ATXN7L1: variants seen among roughly 807,000 people sequenced by gnomAD.
ATXN7L1 encodes the protein ataxin-7-like protein 1.
In ATXN7L1, 15 loss-of-function variants were observed where a neutral mutation model predicts 70.8. The ratio of observed to expected loss-of-function variants is 0.21; its 90% CI spans 0.14 to 0.33. The LOEUF (loss-of-function observed/expected upper bound fraction) is 0.33, where lower values mean the gene tolerates loss of function less well. Among genes scored for constraint, ATXN7L1 ranks in the 10% least tolerant of loss-of-function variants. ATXN7L1 has a pLI of 1.00. For synonymous variants in ATXN7L1, 440 were observed against 445.1 expected (o/e 0.99, Z 0.14); for missense variants, 975 against 1,097.1 (o/e 0.89, Z 1.57).
intron 2 of ATXN7L1, among the ~76,000 whole-genome samples, chr7:105,791,669 T>C (rs1205835174): frequency 1.3e-5 from 2 of 152,188 alleles, no homozygotes; most frequent in Non-Finnish European, 2.9e-5. Context: ...AAAAATACCA[T>C]TACCAGAAAA....
intron 3 of ATXN7L1, among the ~76,000 whole-genome samples, chr7:105,749,956 T>G (rs1181952983): frequency 6.6e-6 from 1 of 151,952 alleles, no homozygotes; most frequent in East Asian, 1.9e-4. Flanking sequence ...TGAAGGTTCT[T>G]CCTGCACTAT....
intron 7 of ATXN7L1, among the ~76,000 whole-genome samples, chr7:105,636,783 G>A (rs145056053): frequency 1.4e-3 from 218 of 152,294 alleles, no homozygotes; most frequent in African/African-American, 4.8e-3. Context: ...GGATATCCTT[G>A]AGAGGGTGTG....
intron 2 of ATXN7L1, among the ~76,000 whole-genome samples, chr7:105,805,263 G>T (rs768159930): frequency 6.6e-6 from 1 of 152,170 alleles, no homozygotes; most frequent in Non-Finnish European, 1.5e-5. Flanking sequence ...CTCTATAACC[G>T]GCCTTCCTGG....
At chr7:105,684,460 C>G (rs1017952310) in intron 3 of ATXN7L1, among the ~76,000 whole-genome samples, 1 of 152,238 alleles carries the variant, frequency 6.6e-6, no homozygotes, top group Non-Finnish European at 1.5e-5. Context: ...CAGATCTGTT[C>G]TGGACATTAT....
intron 3 of ATXN7L1, among the ~76,000 whole-genome samples, chr7:105,668,796 T>C (rs1261928868): frequency 6.6e-6 from 1 of 152,040 alleles, no homozygotes. Flanking sequence ...CCTGGCACTT[T>C]GGCTGGCCAA....
At chr7:105,855,556 C>T (rs1815606172) in intron 2 of ATXN7L1, among the ~76,000 whole-genome samples, 1 of 152,182 alleles carries the variant, frequency 6.6e-6, no homozygotes, top group African/African-American at 2.4e-5. Context: ...GAAATCATCA[C>T]ATACTACAAA....
chr7:105,843,350 G>A (rs1017105064), intron 2 of ATXN7L1, among the ~76,000 whole-genome samples: 1 of 152,350 alleles, frequency 6.6e-6, no homozygotes, highest in South Asian at 2.1e-4. Context: ...AAGATGGTCT[G>A]AGATGCTCAG....
Position 105,810,707 on chromosome 7 carries a change from C to G in ATXN7L1, c.251-21999G>C, listed in dbSNP as rs796161902. 2.6e-5 allele frequency among the ~76,000 whole-genome samples: 4 copies of G among 152,298 alleles called. No homozygotes were observed. The East Asian group carries it at 5.8e-4, about 22-fold the overall frequency. ...GTGTGCAGGAGCCAACGCGAGCCAG[C>G]GTAGAGGCACTGAAGCCGGGGATGG... On this transcript the variant is annotated intron_variant, in intron 2 of 11. Transcript: ENST00000419735.
At chr7:105,767,277 G>T (rs1801397563) in intron 3 of ATXN7L1, among the ~76,000 whole-genome samples, 1 of 152,090 alleles carries the variant, frequency 6.6e-6, no homozygotes, top group South Asian at 2.1e-4. Flanking sequence ...GGGTAGAAGG[G>T]AGGCCCACCG....
intron 3 of ATXN7L1, among the ~76,000 whole-genome samples, chr7:105,690,041 G>A (rs1301798536): frequency 2.6e-5 from 4 of 152,198 alleles, no homozygotes; most frequent in African/African-American, 9.6e-5. Context: ...TTTCGCTCTT[G>A]TTGCCCAGGC....
chr7:105,841,762 C>T (rs548026094), intron 2 of ATXN7L1, among the ~76,000 whole-genome samples: 1 of 152,292 alleles, frequency 6.6e-6, no homozygotes, highest in African/African-American at 2.4e-5. Context: ...TACTGTGCCT[C>T]ATTTAAAAAT....
intron 2 of ATXN7L1, among the ~76,000 whole-genome samples, chr7:105,863,098 T>C (rs758403803): frequency 1.3e-5 from 2 of 152,114 alleles, no homozygotes; most frequent in Non-Finnish European, 2.9e-5. Context: ...ACAATCCCAA[T>C]GCCATGAGGG....
rs551562834 is a variant in ATXN7L1, at chr7:105,620,231, C to T, written c.1486G>A (p.Val496Ile). The change falls in exon 9 of 12, where the codon GTA becomes ATA. Residue 496 changes from valine (V) to isoleucine (I), a missense_variant. Physicochemically the swap from Val to Ile is conservative, Grantham distance 29. Transcript: ENST00000419735. The stretch of plus-strand genomic sequence containing the variant: ...ATCTGTGAATTCAGGTGTTTTTCTA[C>T]CATGGAGTTTAGTGCGAATCGAAAA... ...DRFRFALNSM[V>I]EKHLNSQMWK... is the part of the protein sequence containing the mutation. 4.5e-6 allele frequency: 7 copies of T among 1,551,542 alleles called. No individual in the cohort carries two copies. The East Asian group carries it at 1.5e-4, about 33-fold the overall frequency.
Position 105,667,427 on chromosome 7 carries a change from C to T in ATXN7L1, c.356-2139G>A, listed in dbSNP as rs190298441. Among the ~76,000 whole-genome samples the T allele has an allele frequency of 8.4e-5, 12 of 143,624 alleles. 2 individuals carry two copies. The highest frequency in any genetic ancestry group is 2.4e-4 in the African/African-American group (10 of 40,882). 94.2% of individuals were successfully genotyped at this position (143,624 alleles called of 152,430 possible). A position where few individuals can be genotyped will look rare whatever the true frequency, so the allele number is the denominator to read the frequency against. On this transcript the variant is annotated intron_variant, in intron 3 of 11. Coordinates refer to ENST00000419735, the MANE Select transcript of ATXN7L1 (RefSeq NM_020725.2). The stretch of plus-strand genomic sequence containing the variant: ...TTAAAAGTCAACTAGTGGCCGGGCG[C>T]GGTGGCTCACGCCTGTAATCCCAGC...
chr7:105,817,709 G>A (rs2116555792), intron 2 of ATXN7L1, among the ~76,000 whole-genome samples: 1 of 152,252 alleles, frequency 6.6e-6, no homozygotes, highest in South Asian at 2.1e-4. Flanking sequence ...TTGAGGCTGG[G>A]AATTCGAGAT....
chr7:105,745,558 C>T (rs192998981), intron 3 of ATXN7L1, among the ~76,000 whole-genome samples: 7 of 152,336 alleles, frequency 4.6e-5, no homozygotes, highest in African/African-American at 1.7e-4. Flanking sequence ...GAGGGGTCCA[C>T]GGCTGTTGTC....
At chr7:105,685,849 A>T (rs1053736854) in intron 3 of ATXN7L1, among the ~76,000 whole-genome samples, 1 of 152,198 alleles carries the variant, frequency 6.6e-6, no homozygotes, top group African/African-American at 2.4e-5. Context: ...CCAGCTGAGG[A>T]TGTTGGTGTC....
chr7:105,620,910 A>AAC (rs397935707), intron 8 of ATXN7L1, among the ~76,000 whole-genome samples: 1 of 149,658 alleles, frequency 6.7e-6, no homozygotes, highest in Non-Finnish European at 1.5e-5. Context: ...AAAAAAAAAA[A>AAC]GAAACAACAA....
chr7:105,745,734 G>A (rs530919572), intron 3 of ATXN7L1, among the ~76,000 whole-genome samples: 1 of 152,318 alleles, frequency 6.6e-6, no homozygotes, highest in South Asian at 2.1e-4. Flanking sequence ...AGGAGGCCCT[G>A]GAGTCCCGGT....
Sources: allele counts gnomAD v4.1 joint callset (sites outside exome capture counted in the v4.1 genomes callset), GRCh38; gene constraint gnomAD v4.1.1; transcripts MANE v1.5; gene names NCBI Gene and HGNC (gene_info 2026-07-23, HGNC 2026-07-21).